Variants in GRAMD4 observed in about 807,000 individuals in gnomAD.
The protein encoded by GRAMD4 is GRAM domain containing 4, also known as GRAM domain-containing protein 4.
A neutral mutation model predicts 83.9 loss-of-function variants in GRAMD4; 25 were observed. The ratio of observed to expected loss-of-function variants is 0.30; its 90% CI spans 0.22 to 0.42. GRAMD4 has a LOEUF of 0.42. Among genes scored for constraint, GRAMD4 ranks in the 10% least tolerant of loss-of-function variants. The pLI, the probability that GRAMD4 is intolerant of heterozygous loss-of-function variation, is 1.00. For missense variants in GRAMD4, 593 were observed against 788.7 expected, an observed-to-expected ratio of 0.75 and a Z score of 2.97; for synonymous variants, 336 against 320.9, an observed-to-expected ratio of 1.05 and a Z score of -0.50.
At chr22:46,578,110 G>A (rs1298735072) in intron 1 of GRAMD4, among the ~76,000 whole-genome samples, 2 of 152,236 alleles carry the variant, frequency 1.3e-5, no homozygotes, top group African/African-American at 4.8e-5. Flanking sequence ...CACTTTTTCG[G>A]CTATTGTCAA....
In GRAMD4 at chr22:46,622,602, G is replaced by A. The variant is rs577653635; in HGVS notation, c.-50+2037G>A. ...GCATCACAGATGTAATTTATGCCAC[G>A]GAGCTGCACGCTAAAAACTGGTGAA... On this transcript the variant is annotated intron_variant, in intron 1 of 18. Transcript: ENST00000406902. The surrounding 1 kb of genome is among the most constrained non-coding windows in gnomAD (Gnocchi z 4.0). Among the ~76,000 whole-genome samples the A allele has an allele frequency of 4.6e-5, 7 of 152,252 alleles. No homozygotes were observed. Among genetic ancestry groups the A allele is most frequent in the South Asian group, 4.1e-4 (2 of 4,824 alleles).
rs973057540 is a variant in GRAMD4, at chr22:46,665,390, G to A, written c.718-225G>A. ...CCGCCCTCTTCTGTCCCCAGGACACGCTTCTCCCTAGGTGTCTCCTGGCTT... is the reference window on the plus strand; with the variant it reads ...CCGCCCTCTTCTGTCCCCAGGACACACTTCTCCCTAGGTGTCTCCTGGCTT... On this transcript the variant is annotated intron_variant, in intron 8 of 18. Coordinates refer to ENST00000406902, the MANE Select transcript of GRAMD4 (RefSeq NM_015124.5). 7.2e-5 allele frequency among the ~76,000 whole-genome samples: 11 copies of A among 152,238 alleles called. No individual in the cohort carries two copies. The South Asian group carries it at 8.3e-4, about 11-fold the overall frequency.
At chr22:46,615,028 C>T (rs1440096599) in intron 1 of GRAMD4, among the ~76,000 whole-genome samples, 2 of 77,018 alleles carry the variant, frequency 2.6e-5, no homozygotes, top group African/African-American at 1.1e-4. Context: ...TGTGGGTTCC[C>T]CCGTGTGTAG....
chr22:46,620,972 G>A lies in GRAMD4; in HGVS notation c.-50+407G>A, dbSNP rs1339397816. ...GGCCGCATGGCTCGGAGTTGCAGGG[G>A]CCCTGGGCTGCCAGGGGTGGGCCTG... On this transcript the variant is annotated intron_variant, in intron 1 of 18. Transcript: ENST00000406902. The surrounding 1 kb of genome is among the most constrained non-coding windows in gnomAD (Gnocchi z 4.7). Among the ~76,000 whole-genome samples the A allele has an allele frequency of 2.0e-5, 3 of 152,262 alleles. No homozygotes were observed. In the East Asian group the frequency reaches 5.8e-4, roughly 29 times the overall value.
intron 15 of GRAMD4, 47 bp downstream of exon 15, chr22:46,673,861 T>G (rs755200246): frequency 2.3e-5 from 37 of 1,602,222 alleles, no homozygotes; most frequent in Non-Finnish European, 3.2e-5. Flanking sequence ...CGACACAGAC[T>G]GAAGGCCCGT....
intron 8 of GRAMD4, among the ~76,000 whole-genome samples, chr22:46,664,971 A>T (rs1344766392): frequency 6.6e-6 from 1 of 152,208 alleles, no homozygotes; most frequent in Non-Finnish European, 1.5e-5. Context: ...TCACTCACAG[A>T]TGAAGGCTGG....
intron 3 of GRAMD4, among the ~76,000 whole-genome samples, chr22:46,652,874 T>G (rs2542022): frequency 0.48 from 72,682 of 152,134 alleles, 17,569 homozygotes; most frequent in Middle Eastern, 0.63. Context: ...GATTTGCATC[T>G]CCTTTGTCCT....
chr22:46,661,478 C>A, intron 5 of GRAMD4, 36 bp downstream of exon 5: 11 of 692,916 alleles, frequency 1.6e-5, no homozygotes, highest in Non-Finnish European at 2.7e-5. Flanking sequence ...GGCAGGCGGG[C>A]GGGTGGGTGG....
Position 46,658,195 on chromosome 22 carries a change from C to T in GRAMD4, c.292C>T (p.Leu98Phe). ...LLEKHFLQEE[L>F]RKLREETNAE... ...CGTTCTCTCCCCCATAGAGGAGGAG[C>T]TCCGGAAGCTGCGAGAAGAAACCAA... Residue 98 changes from leucine to phenylalanine, a missense_variant, in exon 4 of 19, where the codon CTC (leucine) becomes TTC (phenylalanine). Transcript: ENST00000406902. 1.2e-6 allele frequency: 2 copies of T among 1,613,696 alleles called. No individual in the cohort carries two copies. Among genetic ancestry groups the T allele is most frequent in the Non-Finnish European group, 1.7e-6 (2 of 1,179,912 alleles).
At position 46,675,455 on chromosome 22, in the gene GRAMD4, G is replaced by A. The variant is rs375205071; in HGVS notation, c.1479-13G>A. ...CAAGAGCCAGGCGACGCCTCTGTCC[G>A]TTCCCCTTCCAGTTACTTGTGCTTC... is the stretch of plus-strand genomic sequence containing the variant. On this transcript the variant is annotated splice_polypyrimidine_tract_variant and intron_variant, in intron 16 of 18. Coordinates refer to ENST00000406902, the MANE Select transcript of GRAMD4 (RefSeq NM_015124.5). 51 of 1,600,894 alleles carry A rather than the reference G, an allele frequency of 3.2e-5. No homozygotes were observed. Among genetic ancestry groups the A allele is most frequent in the African/African-American group, 9.4e-5 (7 of 74,712 alleles).
At position 46,679,009 on chromosome 22, in the gene GRAMD4, C is replaced by T; in HGVS notation, c.*1758C>T. The T allele has an allele frequency of 5.1e-6, 5 of 985,724 alleles. No individual in the cohort carries two copies. Among genetic ancestry groups the T allele is most frequent in the Non-Finnish European group, 6.0e-6 (5 of 829,968 alleles). 61.1% of individuals were successfully genotyped at this position (985,724 alleles called of 1,614,324 possible). A position where few individuals can be genotyped will look rare whatever the true frequency, so the allele number is the denominator to read the frequency against. ...GGGTCTGGCTCCTGTAGGGGACTGG[C>T]TCTCTTGGTGCACCAGGGGAGGGGG... is the stretch of plus-strand genomic sequence containing the variant. On this transcript the variant is annotated 3_prime_UTR_variant, in exon 19 of 19. Transcript: ENST00000406902.
At chr22:46,594,176 G>A (rs889137541) in intron 1 of GRAMD4, among the ~76,000 whole-genome samples, 1 of 132,238 alleles carries the variant, frequency 7.6e-6, no homozygotes, top group Non-Finnish European at 1.6e-5. Context: ...GCTGCCCCAC[G>A]CCCGGCTCCT....
chr22:46,651,015 G>A (rs945043119), intron 3 of GRAMD4, among the ~76,000 whole-genome samples: 11 of 152,200 alleles, frequency 7.2e-5, no homozygotes, highest in Admixed American at 1.3e-4. Context: ...AGGTTGGAGT[G>A]GGGGCAGGCC....
At chr22:46,624,603 G>A (rs1232923776) in intron 1 of GRAMD4, among the ~76,000 whole-genome samples, 1 of 152,164 alleles carries the variant, frequency 6.6e-6, no homozygotes, top group Non-Finnish European at 1.5e-5. Context: ...TGGGATTACA[G>A]GCGTGAACCA....
chr22:46,669,660 C>T (rs1429109510), intron 13 of GRAMD4, among the ~76,000 whole-genome samples: 1 of 151,634 alleles, frequency 6.6e-6, no homozygotes, highest in Admixed American at 6.6e-5. Context: ...ACTGCAACCT[C>T]CGCCTCCCGG....
At chr22:46,578,733 C>A (rs1169311234) in intron 1 of GRAMD4, among the ~76,000 whole-genome samples, 3 of 152,198 alleles carry the variant, frequency 2.0e-5, no homozygotes, top group Non-Finnish European at 4.4e-5. Flanking sequence ...GATGAGTGAC[C>A]TCAGTAACCC....
At chr22:46,592,384 A>C (rs2081218420) in intron 1 of GRAMD4, among the ~76,000 whole-genome samples, 1 of 151,742 alleles carries the variant, frequency 6.6e-6, no homozygotes. Flanking sequence ...CTAAGGCGGG[A>C]GGATCCATAG....
chr22:46,614,212 G>A (rs746170015), intron 1 of GRAMD4, among the ~76,000 whole-genome samples: 1 of 152,224 alleles, frequency 6.6e-6, no homozygotes, highest in Non-Finnish European at 1.5e-5. Flanking sequence ...TGGGCCTGCC[G>A]CGCGTGGCAG....
intron 1 of GRAMD4, among the ~76,000 whole-genome samples, chr22:46,592,437 G>A (rs2081218839): frequency 6.7e-6 from 1 of 150,290 alleles, no homozygotes; most frequent in Non-Finnish European, 1.5e-5. Flanking sequence ...TAGGGAGGAG[G>A]CCCTGTTTCC....
Sources: allele counts gnomAD v4.1 joint callset (sites outside exome capture counted in the v4.1 genomes callset), GRCh38; gene constraint gnomAD v4.1.1; non-coding constraint Gnocchi (gnomAD v3.1); transcripts MANE v1.5; gene names NCBI Gene and HGNC (gene_info 2026-07-23, HGNC 2026-07-21).